Variants in MTHFD2L observed in about 807,000 individuals in gnomAD.
MTHFD2L encodes the protein methylenetetrahydrofolate dehydrogenase (NADP+ dependent) 2 like.
A neutral mutation model predicts 34.9 loss-of-function variants in MTHFD2L; 29 were observed. That is an observed-to-expected ratio of 0.83 (90% confidence interval 0.62 to 1.13). The LOEUF is 1.13. MTHFD2L is among the 50% of genes most tolerant of loss of function. The pLI, the probability that MTHFD2L is intolerant of heterozygous loss-of-function variation, is 0.00. For missense variants in MTHFD2L, 481 were observed against 446.5 expected (o/e 1.08, Z -0.70); for synonymous variants, 167 against 155.7 (o/e 1.07, Z -0.54).
rs990096969 is a variant in MTHFD2L at position 74,216,661 on chromosome 4, A to AT, written c.713-8637dup. ...TCTTATATGCAAACCTTCACTCCTA[A>AT]TTTTACTCCCCTTAGTTTTCCCCAT... On this transcript the variant is annotated intron_variant, in intron 5 of 7. Transcript: ENST00000325278. 3.3e-5 allele frequency among the ~76,000 whole-genome samples: 5 copies of AT among 151,534 alleles called. 1 individual carries two copies. The highest frequency in any genetic ancestry group is 1.2e-4 in the African/African-American group (5 of 40,956).
rs1735675270 is a variant in MTHFD2L, at chr4:74,208,170, A to T, written c.712+6800A>T. ...ATATTATGTTTTGTGATGTCTCTAC[A>T]TTGATTAGACTTTACTGAATTACAT... On this transcript the variant is annotated intron_variant, in intron 5 of 7. Coordinates refer to ENST00000325278, the MANE Select transcript of MTHFD2L (RefSeq NM_001144978.3). 3.3e-5 allele frequency among the ~76,000 whole-genome samples: 5 copies of T among 152,326 alleles called. 1 individual carries two copies. The highest frequency in any genetic ancestry group is 3.3e-4 in the Admixed American group (5 of 15,300).
upstream of MTHFD2L, among the ~76,000 whole-genome samples, chr4:74,122,293 C>T (rs1435723804): frequency 2.0e-5 from 3 of 152,166 alleles, no homozygotes; most frequent in African/African-American, 7.2e-5. Flanking sequence ...TGGAAAGCCA[C>T]AGGAAACTTA....
rs142479758 is a variant in MTHFD2L, at chr4:74,117,014, G to A, written c.-144+2357G>A. ...AGCAAAGTTCATGTGGGAAATGTTT[G>A]GCAATAGCTGATTTATCCTCAGGGT... On this transcript the variant is annotated intron_variant and NMD_transcript_variant, in intron 2 of 9. Coordinates refer to the MTHFD2L transcript ENST00000429519. Among the ~76,000 whole-genome samples the A allele has an allele frequency of 6.9e-3, 1,048 of 152,324 alleles. 11 individuals carry two copies. The highest frequency in any genetic ancestry group is 0.024 in the African/African-American group (1,000 of 41,570).
chr4:74,290,998 CTTTTCTTTTTTTT>C (rs1748838318), intron 7 of MTHFD2L, among the ~76,000 whole-genome samples: 1 of 46,156 alleles, frequency 2.2e-5, no homozygotes, highest in African/African-American at 6.7e-5. Flanking sequence ...TTTATTTTTC[CTTTTCTTTTTTTT>C]TTTTTTTTTT....
chr4:74,202,561 G>A (rs992828159), intron 5 of MTHFD2L, among the ~76,000 whole-genome samples: 6 of 152,310 alleles, frequency 3.9e-5, no homozygotes, highest in African/African-American at 1.4e-4. Context: ...CTGAGCCAGT[G>A]CTGTGGGAGG....
intron 1 of MTHFD2L, among the ~76,000 whole-genome samples, chr4:74,129,343 AT>A (rs966153536): frequency 6.6e-6 from 1 of 152,104 alleles, no homozygotes; most frequent in African/African-American, 2.4e-5. Context: ...CATAATTGGA[AT>A]AAAACACTCT....
rs1000781274 is a variant in MTHFD2L at position 74,174,787 on chromosome 4, A to G, written c.328+97A>G. Reference sequence around the variant, plus strand: ...GAATGATAATTATCAAATAAGTGCCATTTGAATTGCATGTATTATTATTAA... The same window carrying G: ...GAATGATAATTATCAAATAAGTGCCGTTTGAATTGCATGTATTATTATTAA... On this transcript the variant is annotated intron_variant, in intron 2 of 7. Coordinates refer to ENST00000325278, the MANE Select transcript of MTHFD2L (RefSeq NM_001144978.3). 3 of 827,870 alleles carry G rather than the reference A, an allele frequency of 3.6e-6. No individual in the cohort carries two copies. The African/African-American group carries it at 5.4e-5, about 15-fold the overall frequency. 51.3% of individuals were successfully genotyped at this position (827,870 alleles called of 1,614,324 possible). A position where few individuals can be genotyped will look rare whatever the true frequency, so the allele number is the denominator to read the frequency against.
intron 6 of MTHFD2L, among the ~76,000 whole-genome samples, chr4:74,234,595 T>C (rs2110149968): frequency 6.6e-6 from 1 of 152,192 alleles, no homozygotes; most frequent in East Asian, 1.9e-4. Context: ...CAAACACTAA[T>C]TTTGCCACTG....
chr4:74,290,942 CCTAA>C (rs902759028), intron 7 of MTHFD2L, among the ~76,000 whole-genome samples: 4 of 148,724 alleles, frequency 2.7e-5, no homozygotes, highest in African/African-American at 9.9e-5. Context: ...CTTAGTTGTT[CCTAA>C]CTAGATTGGA....
chr4:74,203,723 C>T (rs2110063878), intron 5 of MTHFD2L, among the ~76,000 whole-genome samples: 1 of 152,222 alleles, frequency 6.6e-6, no homozygotes, highest in East Asian at 1.9e-4. Flanking sequence ...AGAAAGTGCT[C>T]CCATGATCCA....
At chr4:74,122,088 T>C (rs1366444502), upstream of MTHFD2L, among the ~76,000 whole-genome samples, 1 of 152,206 alleles carries the variant, frequency 6.6e-6, no homozygotes, top group Non-Finnish European at 1.5e-5. Context: ...AATTCTTTTT[T>C]TTTTCTAGGA....
At chr4:74,254,002 T>C (rs1168753275) in intron 6 of MTHFD2L, among the ~76,000 whole-genome samples, 3 of 152,114 alleles carry the variant, frequency 2.0e-5, no homozygotes, top group Non-Finnish European at 2.9e-5. Flanking sequence ...CAGGACAGGG[T>C]CCATGGACTC....
chr4:74,123,725 C>A (rs750282116), upstream of MTHFD2L, among the ~76,000 whole-genome samples: 2 of 151,840 alleles, frequency 1.3e-5, no homozygotes, highest in Non-Finnish European at 2.9e-5. Flanking sequence ...CTAAAAATTT[C>A]TTTATTTCTG....
At chr4:74,122,694 A>G (rs1261311175), upstream of MTHFD2L, among the ~76,000 whole-genome samples, 1 of 152,236 alleles carries the variant, frequency 6.6e-6, no homozygotes, top group African/African-American at 2.4e-5. Context: ...AAGCAACATG[A>G]CAACTAAATG....
At chr4:74,200,695 A>C (rs544722697) in intron 4 of MTHFD2L, among the ~76,000 whole-genome samples, 1 of 152,284 alleles carries the variant, frequency 6.6e-6, no homozygotes, top group African/African-American at 2.4e-5. Flanking sequence ...ATACTCCTAC[A>C]CTGTTAGTAT....
chr4:74,174,693 G>T lies in MTHFD2L; in HGVS notation c.328+3G>T. On this transcript the variant is annotated splice_donor_region_variant and intron_variant, in intron 2 of 7. Coordinates refer to ENST00000325278, the MANE Select transcript of MTHFD2L (RefSeq NM_001144978.3). ...GATAAGAGCTGCCTCTGCTGTAGGT[G>T]GGTGTGTGTTTTAGTTGTAATTACT... The T allele has an allele frequency of 6.8e-7, 1 of 1,478,036 alleles. No individual in the cohort carries two copies. Among genetic ancestry groups the T allele is most frequent in the South Asian group, 1.5e-5 (1 of 68,758 alleles). 91.6% of individuals were successfully genotyped at this position (1,478,036 alleles called of 1,614,324 possible).
intron 1 of MTHFD2L, among the ~76,000 whole-genome samples, chr4:74,141,565 C>G (rs894217434): frequency 6.6e-6 from 1 of 152,186 alleles, no homozygotes; most frequent in African/African-American, 2.4e-5. Flanking sequence ...GTCTTCCTTC[C>G]TTTAGTCCAT....
At chr4:74,152,261 CTT>C (rs966171218) in intron 1 of MTHFD2L, among the ~76,000 whole-genome samples, 3 of 151,904 alleles carry the variant, frequency 2.0e-5, no homozygotes, top group Admixed American at 6.6e-5. Context: ...TTTAGTATGA[CTT>C]ATCATATTTT....
chr4:74,171,395 G>A (rs1380152343), intron 1 of MTHFD2L, among the ~76,000 whole-genome samples: 2 of 152,192 alleles, frequency 1.3e-5, no homozygotes, highest in Non-Finnish European at 2.9e-5. Context: ...AGTGTTTGAA[G>A]GAATGCAAAG....
Sources: allele counts gnomAD v4.1 joint callset (sites outside exome capture counted in the v4.1 genomes callset), GRCh38; gene constraint gnomAD v4.1.1; transcripts MANE v1.5; gene names NCBI Gene and HGNC (gene_info 2026-07-23, HGNC 2026-07-21).